Variants in ZNF423 observed in about 807,000 individuals in gnomAD.
The protein encoded by ZNF423 is zinc finger protein 423.
In ZNF423, 12 loss-of-function variants were observed where a neutral mutation model predicts 95.8. The observed-to-expected ratio is 0.13, with a 90% confidence interval of 0.08 to 0.20. ZNF423 has a LOEUF of 0.20. ZNF423 is among the 10% of genes least tolerant of loss of function. The pLI is 1.00. For missense variants in ZNF423, 1,316 were observed against 1,737.1 expected (o/e 0.76, Z 4.31); for synonymous variants, 749 against 711.9 (o/e 1.05, Z -0.83).
At chr16:49,701,516 G>A (rs953254565) in intron 3 of ZNF423, among the ~76,000 whole-genome samples, 7 of 152,168 alleles carry the variant, frequency 4.6e-5, no homozygotes, top group South Asian at 2.1e-4. Context: ...ATCTCAAACC[G>A]ACCCCAAACG....
chr16:49,761,982 T>A (rs534334090), intron 2 of ZNF423, among the ~76,000 whole-genome samples: 7 of 152,120 alleles, frequency 4.6e-5, no homozygotes, highest in Non-Finnish European at 5.9e-5. Flanking sequence ...GTTAATTTTT[T>A]AAAAATAATT....
At chr16:49,493,383 G>A (rs941950764) in intron 7 of ZNF423, among the ~76,000 whole-genome samples, 1 of 152,150 alleles carries the variant, frequency 6.6e-6, no homozygotes, top group Non-Finnish European at 1.5e-5. Flanking sequence ...CTCCTTTGCT[G>A]AGCTGCACAC....
At chr16:49,620,161 A>C (rs936685139) in intron 5 of ZNF423, among the ~76,000 whole-genome samples, 6 of 145,652 alleles carry the variant, frequency 4.1e-5, no homozygotes, top group African/African-American at 7.8e-5. Flanking sequence ...ACACACACAC[A>C]CCACACACAC....
At chr16:49,845,082 T>C (rs1251275977) in intron 1 of ZNF423, among the ~76,000 whole-genome samples, 2 of 140,644 alleles carry the variant, frequency 1.4e-5, no homozygotes, top group African/African-American at 5.4e-5. Flanking sequence ...TTAGACATAA[T>C]GACCCAGAAG....
chr16:49,766,582 G>A (rs1368124264), intron 2 of ZNF423, among the ~76,000 whole-genome samples: 1 of 152,184 alleles, frequency 6.6e-6, no homozygotes, highest in Non-Finnish European at 1.5e-5. Flanking sequence ...ATAAAACAAA[G>A]TTTCAGATCC....
At chr16:49,515,097 G>A (rs1029060148) in intron 7 of ZNF423, among the ~76,000 whole-genome samples, 2 of 152,248 alleles carry the variant, frequency 1.3e-5, no homozygotes, top group African/African-American at 4.8e-5. Flanking sequence ...TGACGAGAAT[G>A]AATCCTTCCT....
In ZNF423 at chr16:49,837,428, C is replaced by G. The variant is rs112188670; in HGVS notation, c.40+18307G>C. ...GCCTGTGAGAGCCTCTGGAACCACA[C>G]AGTGCACAGAGGTTGTGCAAACCTT... is the stretch of plus-strand genomic sequence containing the variant. On this transcript the variant is annotated intron_variant, in intron 1 of 7. Coordinates refer to ENST00000563137, the MANE Select transcript of ZNF423 (RefSeq NM_001379286.1). 1.3e-3 allele frequency among the ~76,000 whole-genome samples: 192 copies of G among 152,326 alleles called. 1 individual carries two copies. Among genetic ancestry groups the G allele is most frequent in the African/African-American group, 4.2e-3 (175 of 41,570 alleles).
chr16:49,690,374 A>G (rs939894490), intron 3 of ZNF423, among the ~76,000 whole-genome samples: 1 of 152,178 alleles, frequency 6.6e-6, no homozygotes, highest in Non-Finnish European at 1.5e-5. Context: ...CTAGAAAATA[A>G]AAAGCCAAAC....
chr16:49,766,112 G>C (rs1049728989), intron 2 of ZNF423, among the ~76,000 whole-genome samples: 1 of 152,286 alleles, frequency 6.6e-6, no homozygotes, highest in Non-Finnish European at 1.5e-5. Flanking sequence ...TTTCTAAAAA[G>C]AAAATTTTAA....
intron 5 of ZNF423, among the ~76,000 whole-genome samples, chr16:49,568,163 TG>T (rs2151781743): frequency 6.6e-6 from 1 of 152,100 alleles, no homozygotes; most frequent in East Asian, 1.9e-4. Flanking sequence ...GGTTAAAAGA[TG>T]AACATGTGAC....
intron 1 of ZNF423, among the ~76,000 whole-genome samples, chr16:49,807,495 G>C (rs947141547): frequency 2.4e-4 from 37 of 152,186 alleles, no homozygotes; most frequent in Admixed American, 2.0e-3. Context: ...GTAATGTCTG[G>C]TTCCAAACAC....
intron 3 of ZNF423, among the ~76,000 whole-genome samples, chr16:49,726,567 G>C (rs1309816119): frequency 2.0e-5 from 3 of 152,110 alleles, no homozygotes; most frequent in Non-Finnish European, 4.4e-5. Context: ...GTTCCAACAT[G>C]ATTTAAATCA....
chr16:49,684,272 AT>A (rs1387482996), intron 3 of ZNF423, among the ~76,000 whole-genome samples: 1 of 152,160 alleles, frequency 6.6e-6, no homozygotes, highest in Non-Finnish European at 1.5e-5. Context: ...GTAATGAGGA[AT>A]TTTTTTCTCA....
chr16:49,789,593 A>G (rs758273312), intron 1 of ZNF423, 47 bp from the exon 2 acceptor site: 5 of 1,588,080 alleles, frequency 3.1e-6, no homozygotes, highest in Non-Finnish European at 4.3e-6. Flanking sequence ...AGGCTGTACA[A>G]ATAGATCAGG....
chr16:49,548,209 T>C (rs916494821), intron 5 of ZNF423, among the ~76,000 whole-genome samples: 55 of 152,200 alleles, frequency 3.6e-4, no homozygotes, highest in African/African-American at 1.2e-3. Context: ...CTTCAGAATT[T>C]TTTTTAGCAC....
chr16:49,580,931 C>T (rs901064268), intron 5 of ZNF423, among the ~76,000 whole-genome samples: 6 of 152,156 alleles, frequency 3.9e-5, no homozygotes, highest in Non-Finnish European at 8.8e-5. Context: ...CAGCCCGAGG[C>T]CCAGCCAGGC....
At chr16:49,598,551 G>A (rs1426780751) in intron 5 of ZNF423, among the ~76,000 whole-genome samples, 4 of 152,358 alleles carry the variant, frequency 2.6e-5, no homozygotes, top group East Asian at 3.9e-4. Flanking sequence ...GTGGGCCCTC[G>A]CTGCTGACAG....
chr16:49,587,851 T>C (rs1436088720), intron 5 of ZNF423, among the ~76,000 whole-genome samples: 1 of 152,196 alleles, frequency 6.6e-6, no homozygotes, highest in African/African-American at 2.4e-5. Flanking sequence ...TGGTGAACTC[T>C]TATTCATCAC....
rs1966995719 is a variant in ZNF423 at position 49,492,100 on chromosome 16, T to C, written c.3850-796A>G. On this transcript the variant is annotated intron_variant, in intron 7 of 7. Coordinates refer to ENST00000563137, the MANE Select transcript of ZNF423 (RefSeq NM_001379286.1). The surrounding 1 kb of genome is among the most constrained non-coding windows in gnomAD (Gnocchi z 4.2). ...TGCCAGCCAGAGGGGGCCAGCAGGGTTGATCTGTTTCACAGGAGCCAGCGG... is the reference window on the plus strand; with the variant it reads ...TGCCAGCCAGAGGGGGCCAGCAGGGCTGATCTGTTTCACAGGAGCCAGCGG... 6.6e-6 allele frequency among the ~76,000 whole-genome samples: 1 copy of C among 152,152 alleles called. No individual in the cohort carries two copies. The highest frequency in any genetic ancestry group is 1.5e-5 in the Non-Finnish European group (1 of 68,010).
Sources: gnomAD v4.1 joint callset for allele counts (sites outside exome capture counted in the v4.1 genomes callset) on GRCh38, gnomAD v4.1.1 for gene constraint, Gnocchi (gnomAD v3.1) non-coding constraint, MANE v1.5 for transcripts, NCBI Gene and HGNC (gene_info 2026-07-23, HGNC 2026-07-21) for gene names.